The following GALNTL6 variants were observed in gnomAD, a reference collection of about 807,000 sequenced individuals.
GALNTL6 encodes the protein polypeptide N-acetylgalactosaminyltransferase like 6, also known as polypeptide N-acetylgalactosaminyltransferase-like 6.
GALNTL6 carries 46 observed loss-of-function variants against 73.7 expected under a neutral mutation model. The observed-to-expected ratio is 0.62, with a 90% CI of 0.49 to 0.80. The LOEUF is 0.80. Among genes scored for constraint, GALNTL6 ranks in the 30% least tolerant of loss-of-function variants. GALNTL6 has a pLI of 0.00. For missense variants in GALNTL6, 604 were observed against 755.0 expected (o/e 0.80, Z 2.34); for synonymous variants, 259 against 263.7 (o/e 0.98, Z 0.17).
In GALNTL6 at chr4:172,113,230, CACTT is replaced by C. The variant is rs1281639458; in HGVS notation, c.139-116424_139-116421del. Among the ~76,000 whole-genome samples, 23 of 152,120 alleles carry C rather than the reference CACTT, an allele frequency of 1.5e-4. No individual in the cohort carries two copies. In the South Asian group the frequency reaches 1.7e-3, roughly 11 times the overall value. On this transcript the variant is annotated intron_variant, in intron 2 of 12. Coordinates refer to ENST00000506823, the MANE Select transcript of GALNTL6 (RefSeq NM_001034845.3). ...CCTCACATTCTGATCCCATTTTTCT[CACTT>C]AATGAATTTATGCTATAGCATTATA...
intron 3 of GALNTL6, among the ~76,000 whole-genome samples, chr4:172,275,786 G>A (rs534709350): frequency 3.4e-4 from 52 of 152,144 alleles, no homozygotes; most frequent in South Asian, 1.0e-3. Flanking sequence ...GTGAAACCCC[G>A]TCTCTATTAT....
intron 3 of GALNTL6, among the ~76,000 whole-genome samples, chr4:172,268,249 G>A (rs1019118128): frequency 1.3e-5 from 2 of 152,126 alleles, no homozygotes; most frequent in African/African-American, 4.8e-5. Context: ...GTTTATCTGG[G>A]AAGCTGACTG....
At chr4:171,977,574 A>G (rs900507834) in intron 2 of GALNTL6, among the ~76,000 whole-genome samples, 3 of 152,138 alleles carry the variant, frequency 2.0e-5, no homozygotes, top group African/African-American at 7.2e-5. Context: ...GACACCAGTC[A>G]TATTGAATGA....
chr4:172,931,294 C>T (rs773069362), intron 9 of GALNTL6, 26 bp downstream of exon 9: 4 of 1,339,476 alleles, frequency 3.0e-6, no homozygotes, highest in Non-Finnish European at 4.3e-6. Context: ...TCAGAACAGA[C>T]TGGGGTTGAT....
intron 5 of GALNTL6, among the ~76,000 whole-genome samples, chr4:172,564,754 G>C (rs1736495889): frequency 6.6e-6 from 1 of 152,140 alleles, no homozygotes; most frequent in Non-Finnish European, 1.5e-5. Flanking sequence ...ATCTCTAGTG[G>C]GTCCTCTTGA....
intron 4 of GALNTL6, among the ~76,000 whole-genome samples, chr4:172,339,265 A>T (rs1223789215): frequency 1.5e-5 from 1 of 65,614 alleles, no homozygotes; most frequent in African/African-American, 6.3e-5. Context: ...CACCACACAC[A>T]CACACACACA....
intron 11 of GALNTL6, among the ~76,000 whole-genome samples, chr4:173,013,480 C>A (rs947700067): frequency 6.6e-6 from 1 of 151,868 alleles, no homozygotes; most frequent in Non-Finnish European, 1.5e-5. Context: ...TATTTGACAG[C>A]GGAACATGGA....
intron 5 of GALNTL6, among the ~76,000 whole-genome samples, chr4:172,463,845 C>G (rs1303872568): frequency 1.3e-5 from 2 of 152,026 alleles, no homozygotes; most frequent in Admixed American, 1.3e-4. Flanking sequence ...TTGATAAATG[C>G]CCCCACAATA....
chr4:172,083,088 CTT>C (rs1242780398), intron 2 of GALNTL6, among the ~76,000 whole-genome samples: 2 of 152,290 alleles, frequency 1.3e-5, no homozygotes, highest in East Asian at 3.9e-4. Flanking sequence ...TAACTCACCT[CTT>C]AATCTCATGC....
At chr4:172,178,557 A>G (rs1735124654) in intron 2 of GALNTL6, among the ~76,000 whole-genome samples, 1 of 151,460 alleles carries the variant, frequency 6.6e-6, no homozygotes, top group African/African-American at 2.4e-5. Context: ...GCTGAGAATG[A>G]TGGTTTCCAG....
chr4:172,758,203 T>C (rs937721757), intron 5 of GALNTL6, among the ~76,000 whole-genome samples: 3 of 152,218 alleles, frequency 2.0e-5, no homozygotes, highest in Non-Finnish European at 4.4e-5. Context: ...ATAAAAGACA[T>C]TTCACTGAAC....
chr4:172,565,069 C>T (rs537077734), intron 5 of GALNTL6, among the ~76,000 whole-genome samples: 1 of 152,166 alleles, frequency 6.6e-6, no homozygotes, highest in African/African-American at 2.4e-5. Context: ...ACAGATGGTG[C>T]CTTGTTGCTG....
chr4:172,956,232 G>T (rs1398026480), intron 10 of GALNTL6, among the ~76,000 whole-genome samples: 1 of 152,154 alleles, frequency 6.6e-6, no homozygotes, highest in Non-Finnish European at 1.5e-5. Flanking sequence ...AGATTAAGCT[G>T]AAGGAAGATT....
intron 11 of GALNTL6, among the ~76,000 whole-genome samples, chr4:173,015,102 T>G (rs1383520900): frequency 6.6e-6 from 1 of 152,220 alleles, no homozygotes; most frequent in Non-Finnish European, 1.5e-5. Flanking sequence ...ACGATGGATG[T>G]GTTTGCTTCC....
chr4:172,240,510 C>T (rs1402191795), intron 3 of GALNTL6, among the ~76,000 whole-genome samples: 3 of 152,040 alleles, frequency 2.0e-5, no homozygotes, highest in Non-Finnish European at 4.4e-5. Flanking sequence ...GGATTACAGG[C>T]GTGAGCCACT....
At chr4:172,337,509 G>A (rs1016420975) in intron 4 of GALNTL6, among the ~76,000 whole-genome samples, 3 of 151,992 alleles carry the variant, frequency 2.0e-5, no homozygotes, top group African/African-American at 7.2e-5. Flanking sequence ...TATATGTCTG[G>A]AAAATGTTTC....
At chr4:172,705,132 C>A (rs945784803) in intron 5 of GALNTL6, among the ~76,000 whole-genome samples, 4 of 151,750 alleles carry the variant, frequency 2.6e-5, no homozygotes, top group South Asian at 4.1e-4. Flanking sequence ...TATCCATTCA[C>A]CCACCCTTTA....
intron 5 of GALNTL6, among the ~76,000 whole-genome samples, chr4:172,515,059 G>GT (rs1202158555): frequency 6.6e-6 from 1 of 152,186 alleles, no homozygotes. Context: ...AGTTCACAGT[G>GT]TAAGTCTCCA....
intron 2 of GALNTL6, among the ~76,000 whole-genome samples, chr4:172,110,975 G>T (rs1396971917): frequency 6.6e-6 from 1 of 151,754 alleles, no homozygotes; most frequent in Non-Finnish European, 1.5e-5. Context: ...AAAATTTTAG[G>T]AGTAGTAATC....
Sources: allele counts gnomAD v4.1 joint callset (sites outside exome capture counted in the v4.1 genomes callset), GRCh38; gene constraint gnomAD v4.1.1; transcripts MANE v1.5; gene names NCBI Gene and HGNC (gene_info 2026-07-23, HGNC 2026-07-21).